Variants in COA1 observed in about 807,000 individuals in gnomAD.
COA1 encodes the protein cytochrome c oxidase assembly factor 1.
Under a neutral mutation model 16.0 loss-of-function variants are expected in COA1, and 13 were observed. The observed-to-expected ratio is 0.81, with a 90% CI of 0.53 to 1.29. COA1 has a LOEUF of 1.29. COA1 is among the 50% of genes most tolerant of loss of function. COA1 has a pLI of 0.00. For synonymous variants in COA1, 65 were observed against 65.7 expected, an observed-to-expected ratio of 0.99 and a Z score of 0.05; for missense variants, 179 against 177.0, an observed-to-expected ratio of 1.01 and a Z score of -0.06.
At chr7:43,726,912 G>C (rs2095627896) in intron 1 of COA1, among the ~76,000 whole-genome samples, 1 of 152,134 alleles carries the variant, frequency 6.6e-6, no homozygotes, top group South Asian at 2.1e-4. Context: ...AAATAAATGG[G>C]CAATAAGCAC....
At chr7:43,621,275 T>C (rs1266676721) in intron 6 of COA1, among the ~76,000 whole-genome samples, 2 of 152,220 alleles carry the variant, frequency 1.3e-5, no homozygotes, top group Non-Finnish European at 2.9e-5. Flanking sequence ...CTGACTAATA[T>C]GCGTCATGAC....
chr7:43,667,648 T>C (rs942574728), intron 1 of COA1, among the ~76,000 whole-genome samples: 1 of 152,226 alleles, frequency 6.6e-6, no homozygotes, highest in African/African-American at 2.4e-5. Flanking sequence ...TGTTCTCAAA[T>C]GCAGATTCTT....
intron 1 of COA1, among the ~76,000 whole-genome samples, chr7:43,716,503 T>C (rs970824481): frequency 1.1e-4 from 16 of 152,108 alleles, no homozygotes; most frequent in African/African-American, 3.4e-4. Flanking sequence ...GCAGAAGAAA[T>C]TTCTAAGCAG....
intron 1 of COA1, among the ~76,000 whole-genome samples, chr7:43,671,927 A>T (rs1449297770): frequency 1.3e-5 from 2 of 152,186 alleles, no homozygotes; most frequent in Non-Finnish European, 2.9e-5. Context: ...CTCCCAAGCC[A>T]CGTGGAACTG....
At chr7:43,624,638 T>C in intron 6 of COA1, 1 of 1,614,118 alleles carries the variant, frequency 6.2e-7, no homozygotes, top group Non-Finnish European at 8.5e-7. Context: ...AAGAAGGTCA[T>C]TCTGTGCCTG....
chr7:43,638,566 CTTT>C (rs746584234), downstream of COA1, among the ~76,000 whole-genome samples: 2 of 97,422 alleles, frequency 2.1e-5, no homozygotes, highest in African/African-American at 7.8e-5. Flanking sequence ...TTTTTCTTTC[CTTT>C]TTTTTTTTTT....
At chr7:43,710,375 A>AAAAAAAATAT (rs761592421) in intron 1 of COA1, among the ~76,000 whole-genome samples, 5 of 36,446 alleles carry the variant, frequency 1.4e-4, no homozygotes, top group East Asian at 5.7e-4. Flanking sequence ...AAAAAAAAAA[A>AAAAAAAATAT]ATATATATAT....
intron 6 of COA1, among the ~76,000 whole-genome samples, chr7:43,614,704 A>G (rs1482543669): frequency 3.9e-5 from 6 of 152,122 alleles, no homozygotes; most frequent in Non-Finnish European, 8.8e-5. Flanking sequence ...TATTCTAGCA[A>G]CCTCTCTCTC....
At chr7:43,696,709 A>G (rs1042337677) in intron 1 of COA1, among the ~76,000 whole-genome samples, 1 of 152,282 alleles carries the variant, frequency 6.6e-6, no homozygotes, top group East Asian at 1.9e-4. Flanking sequence ...ATGTGTGTGT[A>G]TATATATGTA....
chr7:43,664,329 A>G (rs1212600218), intron 1 of COA1, among the ~76,000 whole-genome samples: 1 of 152,168 alleles, frequency 6.6e-6, no homozygotes, highest in Non-Finnish European at 1.5e-5. Flanking sequence ...CATAGTATCA[A>G]GGTGACCAAA....
chr7:43,714,564 G>A (rs1306126567), intron 1 of COA1, among the ~76,000 whole-genome samples: 1 of 151,754 alleles, frequency 6.6e-6, no homozygotes, highest in Non-Finnish European at 1.5e-5. Flanking sequence ...GGGAGGCAGA[G>A]GTTGCAGTGA....
intron 1 of COA1, among the ~76,000 whole-genome samples, chr7:43,691,419 GAAA>G (rs1219980031): frequency 0.027 from 2,214 of 81,788 alleles, 68 homozygotes; most frequent in East Asian, 0.054. Flanking sequence ...AAGGAAGAAA[GAAA>G]AAGAAAGAAA....
At chr7:43,623,790 C>A (rs1290458134) in intron 6 of COA1, 1 of 1,608,602 alleles carries the variant, frequency 6.2e-7, no homozygotes, top group African/African-American at 1.3e-5. Context: ...CATTCTTAAA[C>A]ATCTCACAGA....
chr7:43,708,773 G>A (rs1370543314), intron 1 of COA1, among the ~76,000 whole-genome samples: 4 of 151,686 alleles, frequency 2.6e-5, no homozygotes, highest in Non-Finnish European at 4.4e-5. Flanking sequence ...TATTCTACTG[G>A]CCTTTTTCTC....
intron 1 of COA1, among the ~76,000 whole-genome samples, chr7:43,655,005 A>G (rs947092912): frequency 2.0e-5 from 3 of 151,826 alleles, no homozygotes; most frequent in African/African-American, 7.2e-5. Flanking sequence ...TGAAAACATT[A>G]TTTGAAAACA....
At chr7:43,721,253 T>C (rs1014206282) in intron 1 of COA1, among the ~76,000 whole-genome samples, 8 of 152,228 alleles carry the variant, frequency 5.3e-5, no homozygotes, top group Non-Finnish European at 8.8e-5. Context: ...AATTTTGAAA[T>C]AGACTTTAAA....
In COA1 at chr7:43,639,692, C is replaced by G; in HGVS notation, c.342-11G>C. 1.2e-6 allele frequency: 2 copies of G among 1,605,422 alleles called. No individual in the cohort carries two copies. The highest frequency in any genetic ancestry group is 1.7e-6 in the Non-Finnish European group (2 of 1,172,370). On this transcript the variant is annotated splice_polypyrimidine_tract_variant and intron_variant, in intron 5 of 5. Transcript: ENST00000223336. ...TCGTCAAGGTGCCACCTGAGAGAAACCAAAAGTATAGTATCTCTAATCTAT... is the reference window on the plus strand; with the variant it reads ...TCGTCAAGGTGCCACCTGAGAGAAAGCAAAAGTATAGTATCTCTAATCTAT...
chr7:43,651,773 G>C (rs2090856865), intron 1 of COA1, among the ~76,000 whole-genome samples: 1 of 151,212 alleles, frequency 6.6e-6, no homozygotes, highest in African/African-American at 2.4e-5. Flanking sequence ...AAGACAGGAA[G>C]ATCACTTAAG....
At chr7:43,623,938 A>C in intron 6 of COA1, 1 of 1,263,576 alleles carries the variant, frequency 7.9e-7, no homozygotes, top group Non-Finnish European at 1.0e-6. Context: ...AATATTAAAA[A>C]ATTCAGTATT....
Sources: allele counts gnomAD v4.1 joint callset (sites outside exome capture counted in the v4.1 genomes callset), GRCh38; gene constraint gnomAD v4.1.1; transcripts MANE v1.5; gene names NCBI Gene and HGNC (gene_info 2026-07-23, HGNC 2026-07-21).